The following MEGF6 variants were observed in gnomAD, a reference collection of about 807,000 sequenced individuals.
MEGF6 encodes multiple epidermal growth factor-like domains protein 6.
In MEGF6, 184 loss-of-function variants were observed where a neutral mutation model predicts 207.1. The ratio of observed to expected loss-of-function variants is 0.89; its 90% CI spans 0.79 to 1.00. The LOEUF (loss-of-function observed/expected upper bound fraction) is 1.00. Ranked by LOEUF, MEGF6 falls within the 50% of genes least tolerant of loss-of-function variation. The probability of loss-of-function intolerance (pLI) is 0.00; values close to 1 mark genes in which losing one functional copy is unlikely to be tolerated. For missense variants in MEGF6, 2,282 were observed against 2,202.9 expected, an observed-to-expected ratio of 1.04 and a Z score of -0.72; for synonymous variants, 1,038 against 910.0, an observed-to-expected ratio of 1.14 and a Z score of -2.53.
At chr1:3,515,067 C>T (rs998681488) in intron 6 of MEGF6, among the ~76,000 whole-genome samples, 5 of 152,206 alleles carry the variant, frequency 3.3e-5, no homozygotes, top group East Asian at 1.9e-4. Flanking sequence ...ACCCACAGCC[C>T]CCATTTCCAT....
chr1:3,513,111 C>A (rs1641412287), intron 7 of MEGF6, among the ~76,000 whole-genome samples: 1 of 152,252 alleles, frequency 6.6e-6, no homozygotes, highest in African/African-American at 2.4e-5. Context: ...AGTGAAGCAG[C>A]AGAAGCAGCC....
At chr1:3,578,098 C>T (rs1643692285) in intron 4 of MEGF6, among the ~76,000 whole-genome samples, 3 of 152,098 alleles carry the variant, frequency 2.0e-5, no homozygotes, top group Admixed American at 6.5e-5. Context: ...AGGTGTCCTC[C>T]CTCCCCTCCC....
chr1:3,505,057 G>A (rs1447432113), intron 17 of MEGF6, 151 bp downstream of exon 17: 1 of 1,116,510 alleles, frequency 9.0e-7, no homozygotes, highest in Non-Finnish European at 1.3e-6. Context: ...CCGGTAGCAA[G>A]GCAACACCGG....
chr1:3,594,504 C>G lies in MEGF6; in HGVS notation c.376+834G>C, dbSNP rs1644028017. On this transcript the variant is annotated intron_variant, in intron 3 of 36. Coordinates refer to ENST00000356575, the MANE Select transcript of MEGF6 (RefSeq NM_001409.4). The surrounding 1 kb of genome is among the most constrained non-coding windows in gnomAD (Gnocchi z 4.2). Reference sequence around the variant, plus strand: ...CTCCCGGCCACACTCCACGGCGCAGCCTGTCCCTCACTGGCAGGATGCCAC... The same window carrying G: ...CTCCCGGCCACACTCCACGGCGCAGGCTGTCCCTCACTGGCAGGATGCCAC... Among the ~76,000 whole-genome samples, 1 of 152,204 alleles carries G rather than the reference C, an allele frequency of 6.6e-6. No individual in the cohort carries two copies. The highest frequency in any genetic ancestry group is 2.1e-4 in the South Asian group (1 of 4,836).
rs1243137157 is a variant in MEGF6 at position 3,493,844 on chromosome 1, C to G, written c.4314G>C (p.Gly1438=). 1 of 1,604,358 alleles carries G rather than the reference C, an allele frequency of 6.2e-7. No individual in the cohort carries two copies. Among genetic ancestry groups the G allele is most frequent in the South Asian group, 1.1e-5 (1 of 89,644 alleles). ...CGGTGACAGGGTCACAGGGTGCCCC[C>G]CCGTCACAGTCACAGCGCTGGTGGC... ...EGCHQRCDCD[G]GAPCDPVTGL... The change falls in exon 34 of 37, where the codon GGG becomes GGC. Residue 1438 remains glycine (G), a synonymous_variant. Transcript: ENST00000356575.
At chr1:3,502,200 G>C (rs369247658) in intron 17 of MEGF6, among the ~76,000 whole-genome samples, 2 of 147,920 alleles carry the variant, frequency 1.4e-5, no homozygotes, top group Admixed American at 1.4e-4. Context: ...AGGGAGGAGT[G>C]AAAGGGGAGC....
At chr1:3,512,368 G>A (rs1641384643) in intron 7 of MEGF6, among the ~76,000 whole-genome samples, 2 of 152,266 alleles carry the variant, frequency 1.3e-5, no homozygotes, top group Admixed American at 1.3e-4. Flanking sequence ...CCAGGTGCCA[G>A]TGCCCAGGCA....
At chr1:3,532,547 C>A (rs745472852) in intron 4 of MEGF6, among the ~76,000 whole-genome samples, 4 of 152,222 alleles carry the variant, frequency 2.6e-5, no homozygotes, top group Non-Finnish European at 2.9e-5. Flanking sequence ...CAGGAAGGCC[C>A]GAAAATCTCC....
chr1:3,601,029 GC>G (rs905662973), intron 2 of MEGF6, among the ~76,000 whole-genome samples: 6 of 151,868 alleles, frequency 4.0e-5, no homozygotes, highest in East Asian at 1.9e-4. Flanking sequence ...CCCTGCCAGT[GC>G]CCCCCCCTCC....
chr1:3,511,039 G>T, intron 9 of MEGF6, 137 bp from the exon 10 acceptor site: 1 of 1,265,122 alleles, frequency 7.9e-7, no homozygotes, highest in Non-Finnish European at 1.1e-6. Flanking sequence ...CCTCACGTGT[G>T]CACACCGACA....
chr1:3,577,632 G>A (rs1279567787), intron 4 of MEGF6, among the ~76,000 whole-genome samples: 1 of 152,226 alleles, frequency 6.6e-6, no homozygotes, highest in Non-Finnish European at 1.5e-5. Context: ...TGGGGCATGG[G>A]GCTGCTGCTG....
the MEGF6 span, among the ~76,000 whole-genome samples, chr1:3,618,016 G>GCTGCC: frequency 7.9e-5 from 12 of 152,154 alleles, no homozygotes; most frequent in Non-Finnish European, 5.9e-5. The surrounding 1 kb of genome is among the most constrained non-coding windows in gnomAD (Gnocchi z 4.7). Flanking sequence ...CACAGCGGGT[G>GCTGCC]CTGCCCTGCC....
At chr1:3,553,985 C>T (rs1038431365) in intron 4 of MEGF6, among the ~76,000 whole-genome samples, 5 of 152,228 alleles carry the variant, frequency 3.3e-5, no homozygotes, top group African/African-American at 4.8e-5. Flanking sequence ...AACCCAGCTG[C>T]TCCCCTCCGC....
chr1:3,538,696 CTGTGTGTGTGTGTGTGTGTGTGTG>C (rs57325073), intron 4 of MEGF6, among the ~76,000 whole-genome samples: 9 of 132,106 alleles, frequency 6.8e-5, no homozygotes, highest in East Asian at 2.5e-4. Flanking sequence ...GAGCATGTGC[CTGTGTGTGTGTGTGTGTGTGTGTG>C]TGTGTGTGTG....
chr1:3,605,487 TAC>T (rs1448034063), intron 1 of MEGF6, among the ~76,000 whole-genome samples: 4 of 148,638 alleles, frequency 2.7e-5, no homozygotes, highest in Non-Finnish European at 6.0e-5. Flanking sequence ...TATACACAAT[TAC>T]ACACATACAC....
At chr1:3,524,482 G>T (rs1291346344) in intron 4 of MEGF6, among the ~76,000 whole-genome samples, 2 of 152,232 alleles carry the variant, frequency 1.3e-5, no homozygotes, top group Non-Finnish European at 2.9e-5. Context: ...CGGCCAGAAG[G>T]TGGGGAGTAG....
chr1:3,501,714 G>T, intron 18 of MEGF6, 82 bp downstream of exon 18: 1 of 1,522,904 alleles, frequency 6.6e-7, no homozygotes, highest in Non-Finnish European at 8.8e-7. Flanking sequence ...CCGCAGGGCT[G>T]GGGCCCCCAC....
chr1:3,588,863 C>T (rs1309066647), intron 3 of MEGF6, among the ~76,000 whole-genome samples: 1 of 152,262 alleles, frequency 6.6e-6, no homozygotes. Context: ...GCCCTCACTC[C>T]CACCTCTGCC....
chr1:3,511,408 C>T (rs1455232755), intron 9 of MEGF6, 142 bp downstream of exon 9: 1 of 1,094,062 alleles, frequency 9.1e-7, no homozygotes, highest in Non-Finnish European at 1.3e-6. Flanking sequence ...CCCTACCACC[C>T]CGCCAGGGCC....
Sources: allele counts gnomAD v4.1 joint callset (sites outside exome capture counted in the v4.1 genomes callset), GRCh38; gene constraint gnomAD v4.1.1; non-coding constraint Gnocchi (gnomAD v3.1); transcripts MANE v1.5; gene names NCBI Gene and HGNC (gene_info 2026-07-23, HGNC 2026-07-21).